Variants in EPHA6 observed in about 807,000 individuals in gnomAD.
EPHA6 encodes the protein ephrin type-A receptor 6.
EPHA6 carries 50 observed loss-of-function variants against 112.0 expected under a neutral mutation model. That is an observed-to-expected ratio of 0.45 (90% CI 0.36 to 0.56). EPHA6 has a LOEUF of 0.56. EPHA6 is among the 20% of genes least tolerant of loss of function. EPHA6 has a pLI of 0.00. For missense variants in EPHA6, 1,280 were observed against 1,417.4 expected (o/e 0.90, Z 1.56); for synonymous variants, 529 against 490.7 (o/e 1.08, Z -1.03).
At chr3:97,005,473 T>TCCA (rs2043842569) in intron 3 of EPHA6, among the ~76,000 whole-genome samples, 2 of 152,220 alleles carry the variant, frequency 1.3e-5, no homozygotes, top group Non-Finnish European at 2.9e-5. Flanking sequence ...TTTTATATTC[T>TCCA]GCGACTTTGC....
chr3:97,458,067 CAAA>C (rs68128372), intron 7 of EPHA6, among the ~76,000 whole-genome samples: 1,381 of 50,312 alleles, frequency 0.027, 5 homozygotes, highest in African/African-American at 0.1. Flanking sequence ...GACTCCGTCT[CAAA>C]AAAAAAAAAA....
At chr3:97,500,294 A>T (rs2446184) in intron 10 of EPHA6, among the ~76,000 whole-genome samples, 3,610 of 149,866 alleles carry the variant, frequency 0.024, 38 homozygotes, top group Admixed American at 0.033. Context: ...TTTTTTTTTT[A>T]AAAAAAGAGG....
chr3:97,313,645 G>T (rs1171974077), intron 5 of EPHA6, among the ~76,000 whole-genome samples: 2 of 151,544 alleles, frequency 1.3e-5, no homozygotes, highest in East Asian at 3.9e-4. Context: ...GAGGTTTTGA[G>T]CATTTTTCAT....
intron 7 of EPHA6, among the ~76,000 whole-genome samples, chr3:97,465,397 A>T (rs755729974): frequency 3.3e-5 from 5 of 152,106 alleles, no homozygotes; most frequent in Non-Finnish European, 7.4e-5. Flanking sequence ...GACCTCACAC[A>T]CATGGCTTAA....
intron 5 of EPHA6, among the ~76,000 whole-genome samples, chr3:97,385,068 A>G (rs2085980457): frequency 6.6e-6 from 1 of 152,210 alleles, no homozygotes; most frequent in Admixed American, 6.6e-5. Context: ...GAAAAGATGG[A>G]CACAGTAGGT....
intron 11 of EPHA6, among the ~76,000 whole-genome samples, chr3:97,542,101 T>G (rs1208191046): frequency 6.6e-6 from 1 of 151,910 alleles, no homozygotes; most frequent in African/African-American, 2.4e-5. Flanking sequence ...TTTGTTTTTT[T>G]TTTTTTATAC....
At chr3:97,023,553 T>G (rs2107988891) in intron 3 of EPHA6, among the ~76,000 whole-genome samples, 1 of 152,224 alleles carries the variant, frequency 6.6e-6, no homozygotes, top group Non-Finnish European at 1.5e-5. Context: ...ATATATTTAC[T>G]TAGTTATATG....
chr3:96,900,777 A>C (rs931700622), intron 2 of EPHA6, among the ~76,000 whole-genome samples: 1 of 152,234 alleles, frequency 6.6e-6, no homozygotes, highest in Non-Finnish European at 1.5e-5. Context: ...CCCTTCAAAG[A>C]CTGTTTTCAA....
At chr3:97,380,847 AAAC>A (rs2085684031) in intron 5 of EPHA6, among the ~76,000 whole-genome samples, 1 of 152,164 alleles carries the variant, frequency 6.6e-6, no homozygotes, top group African/African-American at 2.4e-5. Flanking sequence ...CCCATAATTA[AAAC>A]AACATCTGCT....
rs565941371 is a variant in EPHA6 at position 97,749,000 on chromosome 3, C to G, written c.*299C>G. On this transcript the variant is annotated 3_prime_UTR_variant, in exon 18 of 18. Coordinates refer to ENST00000389672, the MANE Select transcript of EPHA6 (RefSeq NM_001080448.3). ...ATAAGCCGTATATGGGAAGTGTTCA[C>G]GGACTTAACCTAAAAAAATTTATCC... The G allele has an allele frequency of 3.0e-6, 1 of 331,934 alleles. No individual in the cohort carries two copies. The highest frequency in any genetic ancestry group is 2.0e-5 in the African/African-American group (1 of 49,838). The allele number at this position is 331,934 out of a possible 1,614,324, so 20.6% of individuals were successfully genotyped here.
At chr3:97,647,670 C>T (rs1404330080) in intron 14 of EPHA6, among the ~76,000 whole-genome samples, 2 of 152,092 alleles carry the variant, frequency 1.3e-5, no homozygotes, top group Non-Finnish European at 2.9e-5. Flanking sequence ...AAGTTACTGA[C>T]AGTTCACATT....
At chr3:97,728,292 T>A (rs764557760) in intron 15 of EPHA6, among the ~76,000 whole-genome samples, 3 of 151,722 alleles carry the variant, frequency 2.0e-5, no homozygotes, top group Admixed American at 1.3e-4. Context: ...GCTTGGGAAA[T>A]GGCACTAAGT....
chr3:97,726,331 G>A (rs73134998), intron 15 of EPHA6, among the ~76,000 whole-genome samples: 11,535 of 152,098 alleles, frequency 0.076, 540 homozygotes, highest in Non-Finnish European at 0.11. Flanking sequence ...TCTACAAAAT[G>A]AGATCAAAGC....
intron 1 of EPHA6, among the ~76,000 whole-genome samples, chr3:96,818,338 T>C (rs2032969969): frequency 6.6e-6 from 1 of 151,986 alleles, no homozygotes; most frequent in African/African-American, 2.4e-5. Context: ...GTGTGGCTCA[T>C]GCTTTTACAA....
chr3:97,075,613 G>A (rs1424582779), intron 3 of EPHA6, among the ~76,000 whole-genome samples: 4 of 151,954 alleles, frequency 2.6e-5, no homozygotes, highest in East Asian at 1.9e-4. Flanking sequence ...AAACATGCTG[G>A]ACATGTCTCC....
chr3:97,641,459 A>C (rs2094003028), intron 14 of EPHA6, among the ~76,000 whole-genome samples: 1 of 152,202 alleles, frequency 6.6e-6, no homozygotes, highest in Non-Finnish European at 1.5e-5. Flanking sequence ...GAATAGGAAT[A>C]GCTCCGGTCT....
At position 97,383,544 on chromosome 3, in the gene EPHA6, T is replaced by G. The variant is rs565841854; in HGVS notation, c.1607-21606T>G. On this transcript the variant is annotated intron_variant, in intron 5 of 17. Coordinates refer to ENST00000389672, the MANE Select transcript of EPHA6 (RefSeq NM_001080448.3). ...TGAAATTTTTATGTCTATTCACTGA[T>G]GTACAATTAACATGATCTGGAGAAT... Among the ~76,000 whole-genome samples the G allele has an allele frequency of 2.0e-5, 3 of 152,196 alleles. No individual in the cohort carries two copies. The South Asian group carries it at 6.2e-4, about 32-fold the overall frequency.
At chr3:96,904,209 A>G (rs1167523139) in intron 2 of EPHA6, among the ~76,000 whole-genome samples, 1 of 152,038 alleles carries the variant, frequency 6.6e-6, no homozygotes, top group African/African-American at 2.4e-5. Flanking sequence ...AACCAACCCA[A>G]ATGTCCAACA....
chr3:97,092,427 A>G (rs988839288), intron 3 of EPHA6, among the ~76,000 whole-genome samples: 1 of 152,074 alleles, frequency 6.6e-6, no homozygotes, highest in African/African-American at 2.4e-5. Flanking sequence ...TGGCTTCTAT[A>G]AATTGTCTTG....
Sources: gnomAD v4.1 joint callset for allele counts (sites outside exome capture counted in the v4.1 genomes callset) on GRCh38, gnomAD v4.1.1 for gene constraint, MANE v1.5 for transcripts, NCBI Gene and HGNC (gene_info 2026-07-23, HGNC 2026-07-21) for gene names.